The following CELF2 variants were observed in gnomAD, a reference collection of about 807,000 sequenced individuals.
CELF2 encodes CUG triplet repeat RNA-binding protein 2.
A neutral mutation model predicts 62.6 loss-of-function variants in CELF2; 8 were observed. The ratio of observed to expected loss-of-function variants is 0.13; its 90% CI spans 0.07 to 0.23. CELF2 has a LOEUF of 0.23. Among genes scored for constraint, CELF2 ranks in the 10% least tolerant of loss-of-function variants. CELF2 has a pLI of 1.00. For synonymous variants in CELF2, 258 were observed against 250.0 expected (o/e 1.03, Z -0.30); for missense variants, 333 against 671.0 (o/e 0.50, Z 5.56).
chr10:11,002,829 G>T (rs2054656085), upstream of CELF2, among the ~76,000 whole-genome samples: 1 of 151,956 alleles, frequency 6.6e-6, no homozygotes, highest in African/African-American at 2.4e-5. The surrounding 1 kb of genome is among the most constrained non-coding windows in gnomAD (Gnocchi z 4.4). Flanking sequence ...TCACATAGTT[G>T]TTAGAGAAAT....
intron 1 of CELF2, among the ~76,000 whole-genome samples, chr10:10,841,192 TTGGA>T (rs2058658326): frequency 6.6e-6 from 1 of 152,198 alleles, no homozygotes; most frequent in Admixed American, 6.5e-5. Context: ...TTATAATCGT[TTGGA>T]TATATATCCA....
intron 2 of CELF2, among the ~76,000 whole-genome samples, chr10:10,996,972 G>A (rs576233625): frequency 9.6e-4 from 146 of 152,232 alleles, no homozygotes; most frequent in Non-Finnish European, 1.7e-3. Flanking sequence ...CAAATTGTCC[G>A]TGTTGGAAAC....
the CELF2 span, among the ~76,000 whole-genome samples, chr10:10,727,033 C>T: frequency 3.3e-5 from 5 of 152,124 alleles, no homozygotes; most frequent in Non-Finnish European, 7.4e-5. Flanking sequence ...AACCAGATCT[C>T]GTGAGAACTC....
At chr10:11,113,640 C>G (rs2055804212) in intron 1 of CELF2, among the ~76,000 whole-genome samples, 1 of 152,102 alleles carries the variant, frequency 6.6e-6, no homozygotes, top group African/African-American at 2.4e-5. Flanking sequence ...AGCAAGTATT[C>G]CTTAAATTGG....
Position 11,329,193 on chromosome 10 carries a change from C to T in CELF2, c.*140C>T. On this transcript the variant is annotated 3_prime_UTR_variant, in exon 13 of 13. Transcript: ENST00000633077. This position sits in a 1 kb window ranked among gnomAD's most constrained non-coding sequence, Gnocchi z 5.5. ...AGAGACGGTTATTTTTACAATAAGG[C>T]CTCCATGTCCCCACCCACTTCCCCT... is the stretch of plus-strand genomic sequence containing the variant. 2.5e-6 allele frequency: 2 copies of T among 798,358 alleles called. No homozygotes were observed. The highest frequency in any genetic ancestry group is 1.9e-6 in the Non-Finnish European group (1 of 534,662). 49.5% of individuals were successfully genotyped at this position (798,358 alleles called of 1,614,324 possible).
intron 1 of CELF2, among the ~76,000 whole-genome samples, chr10:10,816,115 T>C (rs1393542787): frequency 6.6e-6 from 1 of 152,224 alleles, no homozygotes; most frequent in Non-Finnish European, 1.5e-5. Flanking sequence ...CATAAAAGTA[T>C]AAATCACATC....
At chr10:11,106,559 G>C (rs1402184790) in intron 1 of CELF2, among the ~76,000 whole-genome samples, 1 of 152,200 alleles carries the variant, frequency 6.6e-6, no homozygotes, top group African/African-American at 2.4e-5. Context: ...TTTAATATTA[G>C]TCTTGAAACA....
At chr10:11,141,127 A>C (rs2132240406) in intron 1 of CELF2, among the ~76,000 whole-genome samples, 1 of 152,308 alleles carries the variant, frequency 6.6e-6, no homozygotes, top group Non-Finnish European at 1.5e-5. Context: ...CTGAGAATGA[A>C]ACTCTGAATG....
intron 1 of CELF2, among the ~76,000 whole-genome samples, chr10:11,040,964 A>G (rs1167370829): frequency 3.9e-5 from 6 of 152,200 alleles, no homozygotes; most frequent in Non-Finnish European, 7.3e-5. Flanking sequence ...TTGGGCTGCT[A>G]TAACTAAATG....
chr10:11,110,075 A>G lies in CELF2; in HGVS notation c.75-55411A>G, dbSNP rs2054719453. Among the ~76,000 whole-genome samples, 1 of 152,120 alleles carries G rather than the reference A, an allele frequency of 6.6e-6. No homozygotes were observed. Among genetic ancestry groups the G allele is most frequent in the Admixed American group, 6.5e-5 (1 of 15,270 alleles). ...GGAGTTTGAGACCAGCTTGGGCAACATAGCAAGACCTCATTGCTACTAAAA... is the reference window on the plus strand; with the variant it reads ...GGAGTTTGAGACCAGCTTGGGCAACGTAGCAAGACCTCATTGCTACTAAAA... On this transcript the variant is annotated intron_variant, in intron 1 of 12. Coordinates refer to ENST00000633077, the MANE Select transcript of CELF2 (RefSeq NM_001326342.2). The surrounding 1 kb of genome is among the most constrained non-coding windows in gnomAD (Gnocchi z 4.0).
the CELF2 span, among the ~76,000 whole-genome samples, chr10:10,671,969 C>G: frequency 6.6e-6 from 1 of 152,084 alleles, no homozygotes; most frequent in Admixed American, 6.5e-5. Context: ...ACCTCAGGTA[C>G]TCCACCTGCC....
At chr10:10,701,709 G>A in the CELF2 span, among the ~76,000 whole-genome samples, 2 of 152,312 alleles carry the variant, frequency 1.3e-5, no homozygotes, top group African/African-American at 2.4e-5. Context: ...GTGGCAAATC[G>A]CCCATAGGCG....
At chr10:10,851,216 C>T (rs895539004) in intron 1 of CELF2, among the ~76,000 whole-genome samples, 1 of 152,206 alleles carries the variant, frequency 6.6e-6, no homozygotes, top group African/African-American at 2.4e-5. Flanking sequence ...TTTCAAAACA[C>T]ATGCTGGAAA....
At chr10:11,109,422 A>G (rs1362397218) in intron 1 of CELF2, among the ~76,000 whole-genome samples, 4 of 152,196 alleles carry the variant, frequency 2.6e-5, no homozygotes, top group African/African-American at 7.2e-5. Context: ...CCTCAAGTAC[A>G]TGGTGAATGG....
intron 1 of CELF2, among the ~76,000 whole-genome samples, chr10:10,813,517 G>A (rs1003341403): frequency 9.9e-5 from 15 of 152,216 alleles, no homozygotes; most frequent in African/African-American, 3.1e-4. Context: ...ACTGAAGTTG[G>A]TTATTTGTAA....
intron 2 of CELF2, among the ~76,000 whole-genome samples, chr10:11,188,745 A>G (rs778064952): frequency 8.0e-5 from 12 of 149,998 alleles, no homozygotes; most frequent in African/African-American, 1.2e-4. Context: ...CTTTCTCTCA[A>G]CTCTCCTTGT....
At chr10:10,466,211 T>C in the CELF2 span, among the ~76,000 whole-genome samples, 277 of 152,244 alleles carry the variant, frequency 1.8e-3, 3 homozygotes, top group African/African-American at 6.3e-3. Context: ...TCACTTTGAC[T>C]CTTGCCTCCA....
chr10:11,164,200 C>A (rs375472356), intron 1 of CELF2, among the ~76,000 whole-genome samples: 1 of 152,162 alleles, frequency 6.6e-6, no homozygotes, highest in Non-Finnish European at 1.5e-5. Context: ...AATGAGCTGC[C>A]GAGAGGCATT....
intron 1 of CELF2, among the ~76,000 whole-genome samples, chr10:11,022,940 A>G (rs145226547): frequency 5.5e-4 from 84 of 152,362 alleles, no homozygotes; most frequent in South Asian, 5.0e-3. Flanking sequence ...TTGCATTTAA[A>G]TGGAAAATGT....
Sources: gnomAD v4.1 joint callset for allele counts (sites outside exome capture counted in the v4.1 genomes callset) on GRCh38, gnomAD v4.1.1 for gene constraint, Gnocchi (gnomAD v3.1) non-coding constraint, MANE v1.5 for transcripts, NCBI Gene and HGNC (gene_info 2026-07-23, HGNC 2026-07-21) for gene names.